CALN1: variants seen among roughly 807,000 people sequenced by gnomAD.
CALN1 encodes calneuron 1, also known as calcium-binding protein 8.
Under a neutral mutation model 30.6 loss-of-function variants are expected in CALN1, and 17 were observed. That is an observed-to-expected ratio of 0.56 (90% CI 0.38 to 0.83). CALN1 has a LOEUF of 0.83. Ranked by LOEUF, CALN1 falls within the 40% of genes least tolerant of loss-of-function variation. The pLI is 0.00. For missense variants in CALN1, 291 were observed against 354.9 expected (o/e 0.82, Z 1.45); for synonymous variants, 156 against 131.4 (o/e 1.19, Z -1.28).
intron 2 of CALN1, among the ~76,000 whole-genome samples, chr7:72,387,417 C>T (rs1805298484): frequency 6.6e-6 from 1 of 152,002 alleles, no homozygotes; most frequent in African/African-American, 2.4e-5. Flanking sequence ...TGACTTTCTC[C>T]CAAAGGATAC....
the CALN1 span, among the ~76,000 whole-genome samples, chr7:72,454,854 G>A: frequency 1.3e-5 from 2 of 148,868 alleles, no homozygotes; most frequent in South Asian, 2.1e-4. Context: ...TTTTTGAGAT[G>A]GAGTTTCGCT....
chr7:71,833,736 C>G (rs1330016952), intron 5 of CALN1, among the ~76,000 whole-genome samples: 1 of 152,006 alleles, frequency 6.6e-6, no homozygotes, highest in East Asian at 1.9e-4. Flanking sequence ...GACCCTGTTT[C>G]TACACCCCTG....
At chr7:71,915,720 G>A (rs1217860961) in intron 5 of CALN1, among the ~76,000 whole-genome samples, 4 of 151,030 alleles carry the variant, frequency 2.6e-5, no homozygotes, top group South Asian at 2.1e-4. Flanking sequence ...GCAACAGAGC[G>A]AGACTCCGTC....
At chr7:72,348,309 G>A (rs1241836353) in intron 2 of CALN1, among the ~76,000 whole-genome samples, 1 of 152,156 alleles carries the variant, frequency 6.6e-6, no homozygotes, top group Non-Finnish European at 1.5e-5. Flanking sequence ...CGTGTGTCCT[G>A]CAACTGCCCA....
intron 2 of CALN1, among the ~76,000 whole-genome samples, chr7:72,285,798 G>C (rs1798045100): frequency 6.6e-6 from 1 of 152,190 alleles, no homozygotes; most frequent in Admixed American, 6.5e-5. Context: ...GAAGCTGAAA[G>C]ACTTCAATTG....
the CALN1 span, among the ~76,000 whole-genome samples, chr7:72,462,181 T>TG: frequency 0.061 from 9,229 of 150,738 alleles, 950 homozygotes; most frequent in African/African-American, 0.21. Context: ...TATGTATGTA[T>TG]TTATTTATTT....
chr7:72,354,630 C>T (rs1463989270), intron 2 of CALN1, among the ~76,000 whole-genome samples: 1 of 152,190 alleles, frequency 6.6e-6, no homozygotes, highest in Admixed American at 6.5e-5. Context: ...TAGGAATAGA[C>T]TCACTTGCGT....
chr7:72,266,343 A>G (rs1796594757), intron 3 of CALN1, among the ~76,000 whole-genome samples: 1 of 152,230 alleles, frequency 6.6e-6, no homozygotes, highest in Non-Finnish European at 1.5e-5. Flanking sequence ...AAATACTTGT[A>G]TATTAGATAA....
chr7:71,889,346 A>G (rs1014284895), intron 5 of CALN1, among the ~76,000 whole-genome samples: 1 of 152,184 alleles, frequency 6.6e-6, no homozygotes, highest in Non-Finnish European at 1.5e-5. Context: ...TAACATTTTA[A>G]TAGATGAAAT....
intron 1 of CALN1, among the ~76,000 whole-genome samples, chr7:72,408,268 A>AC (rs1182492389): frequency 4.0e-5 from 4 of 99,076 alleles, no homozygotes; most frequent in African/African-American, 1.7e-4. Flanking sequence ...CCCCATCTCT[A>AC]TTAAAAAAAA....
chr7:72,362,686 C>T lies in CALN1; in HGVS notation c.119+40565G>A, dbSNP rs569769331. On this transcript the variant is annotated intron_variant, in intron 2 of 6. Coordinates refer to ENST00000395275, the MANE Select transcript of CALN1 (RefSeq NM_031468.4). ...ATTCTGTCCTGCCTGTGTGCCCAGT[C>T]CCTGCCACCCCCAGGATATTCCTCT... Among the ~76,000 whole-genome samples, 6 of 152,268 alleles carry T rather than the reference C, an allele frequency of 3.9e-5. No individual in the cohort carries two copies. In the South Asian group the frequency reaches 1.2e-3, roughly 32 times the overall value.
At chr7:72,425,328 G>A (rs184966816) in intron 1 of CALN1, among the ~76,000 whole-genome samples, 3 of 152,244 alleles carry the variant, frequency 2.0e-5, no homozygotes, top group Admixed American at 2.0e-4. Flanking sequence ...TGGCCAGGCT[G>A]GTCTCAAACT....
intron 5 of CALN1, among the ~76,000 whole-genome samples, chr7:71,931,656 A>C (rs6961327): frequency 0.18 from 27,382 of 152,232 alleles, 2,567 homozygotes; most frequent in Non-Finnish European, 0.21. Context: ...GTAGTAGGTC[A>C]GTAGTTCTAA....
intron 4 of CALN1, among the ~76,000 whole-genome samples, chr7:72,054,395 A>G (rs1218888989): frequency 1.7e-5 from 1 of 58,868 alleles, no homozygotes; most frequent in African/African-American, 1.1e-4. Flanking sequence ...TTGGCTGCAT[A>G]TATGTACATA....
chr7:72,297,847 G>C (rs1212047280), intron 2 of CALN1, among the ~76,000 whole-genome samples: 3 of 152,184 alleles, frequency 2.0e-5, no homozygotes, highest in Non-Finnish European at 4.4e-5. Flanking sequence ...AACGTCAACA[G>C]ATGATTTTGC....
At chr7:72,337,269 G>A (rs1253458774) in intron 2 of CALN1, 5 of 985,052 alleles carry the variant, frequency 5.1e-6, no homozygotes, top group South Asian at 9.4e-5. Context: ...TTCAGGAGCC[G>A]GGCTTCTGGG....
At chr7:71,923,457 C>T (rs1259652144) in intron 5 of CALN1, among the ~76,000 whole-genome samples, 2 of 152,164 alleles carry the variant, frequency 1.3e-5, no homozygotes, top group African/African-American at 4.8e-5. Context: ...ATTTGTGATT[C>T]ATCCAATTAA....
intron 5 of CALN1, among the ~76,000 whole-genome samples, chr7:71,817,042 A>G (rs1472823593): frequency 1.3e-5 from 2 of 152,190 alleles, no homozygotes; most frequent in African/African-American, 4.8e-5. Flanking sequence ...GTATTAGGAC[A>G]TCTAAACAAA....
intron 5 of CALN1, among the ~76,000 whole-genome samples, chr7:72,005,253 CGT>C (rs1003342203): frequency 5.3e-5 from 8 of 152,176 alleles, no homozygotes; most frequent in African/African-American, 9.7e-5. Context: ...TCCATCAACA[CGT>C]GAGTGGGTTA....
Sources: allele counts gnomAD v4.1 joint callset (sites outside exome capture counted in the v4.1 genomes callset), GRCh38; gene constraint gnomAD v4.1.1; transcripts MANE v1.5; gene names NCBI Gene and HGNC (gene_info 2026-07-23, HGNC 2026-07-21).